The following FREM2 variants were observed in gnomAD, a reference collection of about 807,000 sequenced individuals.
FREM2 encodes the protein FRAS1-related extracellular matrix protein 2.
In FREM2, 119 loss-of-function variants were observed where a neutral mutation model predicts 219.9. The observed-to-expected ratio is 0.54, with a 90% confidence interval of 0.47 to 0.63. The LOEUF is 0.63. FREM2 is among the 30% of genes least tolerant of loss of function. FREM2 has a pLI of 0.00. For synonymous variants in FREM2, 1,562 were observed against 1,522.8 expected, an observed-to-expected ratio of 1.03 and a Z score of -0.60; for missense variants, 4,030 against 3,993.6, an observed-to-expected ratio of 1.01 and a Z score of -0.25.
Position 38,772,288 on chromosome 13 carries a change from A to C in FREM2, c.5641+2480A>C, listed in dbSNP as rs535166071. Among the ~76,000 whole-genome samples the C allele has an allele frequency of 6.6e-5, 10 of 152,312 alleles. 1 individual carries two copies. Among genetic ancestry groups the C allele is most frequent in the African/African-American group, 2.4e-4 (10 of 41,576 alleles). ...TAGCATAGAATCTCTGCTGTCAAAG[A>C]CCACAGGGGATGGGAAAGAGAGCCC... On this transcript the variant is annotated intron_variant, in intron 4 of 23. Transcript: ENST00000280481.
intron 6 of FREM2, among the ~76,000 whole-genome samples, chr13:38,842,675 G>A (rs1350709791): frequency 6.6e-6 from 1 of 152,112 alleles, no homozygotes; most frequent in Non-Finnish European, 1.5e-5. Context: ...ATAAGATTTG[G>A]CTCCAGATAG....
rs1593443614 is a variant in FREM2, at chr13:38,848,479, G to A, written c.6188G>A (p.Gly2063Asp). 2 of 1,613,328 alleles carry A rather than the reference G, an allele frequency of 1.2e-6. No individual in the cohort carries two copies. The highest frequency in any genetic ancestry group is 1.7e-6 in the Non-Finnish European group (2 of 1,179,330). The change falls in exon 8 of 24, where the codon GGC becomes GAC. Residue 2063 changes from glycine to aspartate, a missense_variant. Transcript: ENST00000280481. ...GTCATAGCTGGAACAGACTATGTGG[G>A]CATCAGCCGTAATTTAGATTTTGCA... ...PSADAGTDYV[G>D]ISRNLDFAPG... is the part of the protein sequence containing the mutation.
At chr13:38,726,847 A>G (rs1005113798) in intron 2 of FREM2, among the ~76,000 whole-genome samples, 6 of 152,184 alleles carry the variant, frequency 3.9e-5, no homozygotes, top group Admixed American at 3.3e-4. Context: ...TATGAATACA[A>G]TGTACTTACA....
chr13:38,708,926 ATTTTTGTATTT>A (rs1224785015), intron 2 of FREM2, among the ~76,000 whole-genome samples: 2 of 151,938 alleles, frequency 1.3e-5, no homozygotes, highest in African/African-American at 4.8e-5. Context: ...CGCCCAGATA[ATTTTTGTATTT>A]TTAGTAGAGT....
intron 15 of FREM2, among the ~76,000 whole-genome samples, chr13:38,862,615 G>T (rs1189066627): frequency 1.3e-5 from 2 of 152,178 alleles, no homozygotes; most frequent in Non-Finnish European, 2.9e-5. Context: ...CCGGAGTTTT[G>T]CTCTGAGTGA....
intron 6 of FREM2, among the ~76,000 whole-genome samples, chr13:38,845,016 C>CCA (rs1877098875): frequency 6.6e-6 from 1 of 152,164 alleles, no homozygotes; most frequent in Non-Finnish European, 1.5e-5. Flanking sequence ...TGCCCTAGCA[C>CCA]TGTCCAAGTC....
chr13:38,761,324 C>T (rs1287581584), intron 2 of FREM2, among the ~76,000 whole-genome samples: 4 of 151,894 alleles, frequency 2.6e-5, no homozygotes, highest in African/African-American at 9.7e-5. Context: ...CTTGCTGGGA[C>T]CACAGTTTAA....
rs1244401616 is a variant in FREM2, at chr13:38,874,517, G to A, written c.8212G>A (p.Glu2738Lys). The change falls in exon 18 of 24, where the codon GAG (glutamate) becomes AAG (lysine). Residue 2738 changes from glutamate (E) to lysine (K), a missense_variant. Glu to Lys is a moderately conservative substitution (Grantham distance 56). This residue lies in a region of FREM2 where 928 missense variants were observed against 1,042.9 expected (regional missense o/e 0.89). Coordinates refer to ENST00000280481, the MANE Select transcript of FREM2 (RefSeq NM_207361.6). ...TCCAACCAGCATGCGCATCGGTGATGAGGGGCGCTTGGCCGTGCACTTCAA... is the reference window on the plus strand; with the variant it reads ...TCCAACCAGCATGCGCATCGGTGATAAGGGGCGCTTGGCCGTGCACTTCAA... Reference protein sequence around the residue: ...LYPTSMRIGDEGRLAVHFKTE... With the variant: ...LYPTSMRIGDKGRLAVHFKTE... 1.2e-6 allele frequency: 2 copies of A among 1,614,022 alleles called. No homozygotes were observed. The highest frequency in any genetic ancestry group is 2.7e-5 in the African/African-American group (2 of 74,914).
chr13:38,759,712 TAG>T (rs1873155458), intron 2 of FREM2, among the ~76,000 whole-genome samples: 2 of 152,228 alleles, frequency 1.3e-5, no homozygotes, highest in Admixed American at 1.3e-4. Context: ...GAATCTATTT[TAG>T]AAAGGCAACA....
In FREM2 at chr13:38,764,333, C is replaced by T. The variant is rs770772406; in HGVS notation, c.5293C>T (p.Arg1765Cys). Residue 1765 changes from arginine to cysteine, a missense_variant, in exon 3 of 24, where the codon CGT becomes TGT. Around this residue, in one of 2 missense-constraint regions of FREM2, gnomAD observed 3,102 missense variants for 2,950.7 expected, o/e 1.05. Transcript: ENST00000280481. ...AAACAAGTTAACGTACCAGAATTTT[C>T]GTCTGAATTGGGCATGGATCTCCTT... ...GGNKLTYQNF[R>C]LNWAWISFEK... 3.7e-5 allele frequency: 59 copies of T among 1,611,744 alleles called. 1 individual carries two copies. The South Asian group carries it at 4.1e-4, about 11-fold the overall frequency.
intron 6 of FREM2, among the ~76,000 whole-genome samples, chr13:38,846,130 C>T (rs191765235): frequency 6.6e-5 from 10 of 151,312 alleles, no homozygotes; most frequent in Admixed American, 5.9e-4. Flanking sequence ...TCTAATGGAC[C>T]AGAAAATGGC....
At chr13:38,707,129 C>A (rs533995665) in intron 2 of FREM2, among the ~76,000 whole-genome samples, 2 of 152,144 alleles carry the variant, frequency 1.3e-5, no homozygotes, top group East Asian at 3.9e-4. Flanking sequence ...AAAAAAATTG[C>A]CAAGTGGCTG....
chr13:38,747,537 T>TC (rs545891912), intron 2 of FREM2, among the ~76,000 whole-genome samples: 441 of 152,182 alleles, frequency 2.9e-3, no homozygotes, highest in African/African-American at 0.01. Flanking sequence ...TGTGTTTTTT[T>TC]CCTTGTCTAT....
At chr13:38,864,633 G>C (rs1402821918) in intron 16 of FREM2, 27 bp downstream of exon 16, 1 of 1,591,922 alleles carries the variant, frequency 6.3e-7, no homozygotes, top group East Asian at 2.2e-5. Flanking sequence ...TCTGAGTTTG[G>C]TCACTGGATA....
chr13:38,764,442 C>T lies in FREM2; in HGVS notation c.5402C>T (p.Ser1801Phe). The T allele has an allele frequency of 1.3e-6, 2 of 1,542,656 alleles. No homozygotes were observed. Among genetic ancestry groups the T allele is most frequent in the Non-Finnish European group, 1.8e-6 (2 of 1,127,798 alleles). The change falls in exon 3 of 24, where the codon TCT (serine) becomes TTT (phenylalanine). Residue 1801 changes from serine to phenylalanine, a missense_variant. Coordinates refer to ENST00000280481, the MANE Select transcript of FREM2 (RefSeq NM_207361.6). ...LKRRGYLGET[S>F]FISIGTRDRT... Reference sequence around the variant, plus strand: ...CGTAGAGGTTACTTGGGAGAAACTTCTTTTATAAGTAAGTTTAATTTTTTA... The same window carrying T: ...CGTAGAGGTTACTTGGGAGAAACTTTTTTTATAAGTAAGTTTAATTTTTTA...
chr13:38,762,555 T>G (rs534505508), intron 2 of FREM2, among the ~76,000 whole-genome samples: 1 of 152,136 alleles, frequency 6.6e-6, no homozygotes, highest in Non-Finnish European at 1.5e-5. Flanking sequence ...TTCTCCTGCC[T>G]CAGCCTCCCG....
At chr13:38,776,601 A>G (rs746637869) in intron 4 of FREM2, among the ~76,000 whole-genome samples, 2 of 152,208 alleles carry the variant, frequency 1.3e-5, no homozygotes, top group African/African-American at 2.4e-5. Context: ...GAATGCATTC[A>G]CTTTACTCTT....
chr13:38,818,031 G>T (rs1875836899), intron 6 of FREM2, among the ~76,000 whole-genome samples: 1 of 151,958 alleles, frequency 6.6e-6, no homozygotes, highest in Non-Finnish European at 1.5e-5. Flanking sequence ...TATAAAAAAA[G>T]ACAAGTGTTG....
intron 2 of FREM2, among the ~76,000 whole-genome samples, chr13:38,700,772 G>A (rs1870313661): frequency 6.6e-6 from 1 of 152,010 alleles, no homozygotes; most frequent in African/African-American, 2.4e-5. Context: ...ATTCAGGATA[G>A]GGATAAGAGG....
Sources: allele counts gnomAD v4.1 joint callset (sites outside exome capture counted in the v4.1 genomes callset), GRCh38; gene constraint gnomAD v4.1.1; regional missense constraint gnomAD v4.1.1; transcripts MANE v1.5; gene names NCBI Gene and HGNC (gene_info 2026-07-23, HGNC 2026-07-21).